The following UNC5D variants were observed in gnomAD, a reference collection of about 807,000 sequenced individuals.
UNC5D encodes netrin receptor UNC5D.
Under a neutral mutation model 105.4 loss-of-function variants are expected in UNC5D, and 39 were observed. The ratio of observed to expected loss-of-function variants is 0.37; its 90% CI spans 0.29 to 0.48. The LOEUF is 0.48. Ranked by LOEUF, UNC5D falls within the 20% of genes least tolerant of loss-of-function variation. The pLI, the probability that UNC5D is intolerant of heterozygous loss-of-function variation, is 0.98. For synonymous variants in UNC5D, 452 were observed against 450.4 expected (o/e 1.00, Z -0.04); for missense variants, 991 against 1,202.4 (o/e 0.82, Z 2.60).
chr8:35,274,067 T>A (rs1167231469), intron 1 of UNC5D, among the ~76,000 whole-genome samples: 1 of 152,164 alleles, frequency 6.6e-6, no homozygotes. Context: ...AGCATAATTA[T>A]GGTCTGAATG....
At chr8:35,557,222 C>T (rs1477537847) in intron 2 of UNC5D, among the ~76,000 whole-genome samples, 1 of 152,144 alleles carries the variant, frequency 6.6e-6, no homozygotes, top group African/African-American at 2.4e-5. Flanking sequence ...TTACCAGACA[C>T]CTCTGAGCTG....
chr8:35,347,273 T>A (rs559369217), intron 1 of UNC5D, among the ~76,000 whole-genome samples: 1 of 152,084 alleles, frequency 6.6e-6, no homozygotes, highest in Non-Finnish European at 1.5e-5. Context: ...ACCCAAGTGG[T>A]CAGTGGGCTT....
intron 3 of UNC5D, among the ~76,000 whole-genome samples, chr8:35,569,886 CT>C (rs1401616721): frequency 6.6e-6 from 1 of 151,756 alleles, no homozygotes; most frequent in Non-Finnish European, 1.5e-5. Flanking sequence ...CTCACCCTCA[CT>C]TTTTCCTTTC....
At chr8:35,647,435 G>A (rs1208983728) in intron 4 of UNC5D, among the ~76,000 whole-genome samples, 1 of 151,768 alleles carries the variant, frequency 6.6e-6, no homozygotes, top group Non-Finnish European at 1.5e-5. Context: ...ATGTGGTTGT[G>A]TACAATTATA....
intron 1 of UNC5D, among the ~76,000 whole-genome samples, chr8:35,343,118 C>T (rs1295422820): frequency 6.6e-6 from 1 of 152,034 alleles, no homozygotes; most frequent in Non-Finnish European, 1.5e-5. Flanking sequence ...GATACTGACA[C>T]TGCTGGTCTG....
intron 1 of UNC5D, among the ~76,000 whole-genome samples, chr8:35,295,496 T>G (rs1410517407): frequency 6.6e-6 from 1 of 152,188 alleles, no homozygotes; most frequent in Non-Finnish European, 1.5e-5. Flanking sequence ...CCAACCATGT[T>G]TTATTTCATT....
At chr8:35,574,403 T>C (rs1817954805) in intron 3 of UNC5D, among the ~76,000 whole-genome samples, 1 of 152,186 alleles carries the variant, frequency 6.6e-6, no homozygotes, top group Admixed American at 6.5e-5. Context: ...ATGTGATACA[T>C]CCTGAATATA....
At chr8:35,782,596 T>C (rs1802553757) in intron 16 of UNC5D, among the ~76,000 whole-genome samples, 1 of 150,498 alleles carries the variant, frequency 6.6e-6, no homozygotes, top group South Asian at 2.1e-4. Flanking sequence ...CTCCACCTCC[T>C]GGGTTCAAGC....
At chr8:35,600,277 C>A (rs1357875670) in intron 4 of UNC5D, among the ~76,000 whole-genome samples, 1 of 152,148 alleles carries the variant, frequency 6.6e-6, no homozygotes, top group Non-Finnish European at 1.5e-5. Context: ...GCACATGTGT[C>A]TTTATAGCAG....
chr8:35,273,817 T>C (rs1035666988), intron 1 of UNC5D, among the ~76,000 whole-genome samples: 1 of 152,188 alleles, frequency 6.6e-6, no homozygotes, highest in African/African-American at 2.4e-5. Context: ...TCTTACTAAG[T>C]GTCCACAAAG....
At chr8:35,647,278 A>G (rs892000476) in intron 4 of UNC5D, among the ~76,000 whole-genome samples, 3 of 152,168 alleles carry the variant, frequency 2.0e-5, no homozygotes, top group African/African-American at 4.8e-5. Context: ...GTAATCAAGA[A>G]TAAGGACCAC....
chr8:35,525,401 G>T (rs907060788), intron 1 of UNC5D: 37 of 1,612,102 alleles, frequency 2.3e-5, no homozygotes, highest in Non-Finnish European at 3.1e-5. Context: ...TAATGGTCTT[G>T]TGAATGGTCT....
chr8:35,422,306 G>A (rs963234998), intron 1 of UNC5D, among the ~76,000 whole-genome samples: 2 of 152,214 alleles, frequency 1.3e-5, no homozygotes, highest in African/African-American at 2.4e-5. Context: ...AAAGAGGTTG[G>A]AGAAGACTGG....
intron 1 of UNC5D, among the ~76,000 whole-genome samples, chr8:35,316,357 G>A (rs1410359432): frequency 6.6e-6 from 1 of 152,138 alleles, no homozygotes; most frequent in Non-Finnish European, 1.5e-5. Context: ...AATGATTGGA[G>A]TTGACAATGG....
chr8:35,533,112 G>A (rs551226794), intron 1 of UNC5D, among the ~76,000 whole-genome samples: 130 of 151,818 alleles, frequency 8.6e-4, no homozygotes, highest in African/African-American at 2.9e-3. Flanking sequence ...CTTTGGAGGA[G>A]GAGAGGCGCT....
chr8:35,290,696 C>A (rs1463806127), intron 1 of UNC5D, among the ~76,000 whole-genome samples: 1 of 151,982 alleles, frequency 6.6e-6, no homozygotes, highest in Non-Finnish European at 1.5e-5. Flanking sequence ...TGCCTGTAAT[C>A]CCAGCATTTT....
intron 15 of UNC5D, among the ~76,000 whole-genome samples, chr8:35,769,482 A>G (rs752409866): frequency 6.6e-6 from 1 of 152,306 alleles, no homozygotes; most frequent in South Asian, 2.1e-4. Context: ...TCTTTCTTCA[A>G]AAGAACAAAG....
Position 35,652,943 on chromosome 8 carries a change from T to TTTG in UNC5D, c.571-30603_571-30602insTGT. On this transcript the variant is annotated intron_variant, in intron 4 of 16. Coordinates refer to ENST00000404895, the MANE Select transcript of UNC5D (RefSeq NM_080872.4). Reference sequence around the variant, plus strand: ...TTTTTTTTTTTTTTTTTTTTTTTTTTTGAGACAGAGTTTCACTCTCTTGCC... The same window carrying TTTG: ...TTTTTTTTTTTTTTTTTTTTTTTTTTTTGTGAGACAGAGTTTCACTCTCTTGCC... 2.0e-5 allele frequency among the ~76,000 whole-genome samples: 3 copies of TTTG among 147,662 alleles called. No homozygotes were observed. In the South Asian group the frequency reaches 6.6e-4, roughly 33 times the overall value.
Position 35,505,017 on chromosome 8 carries a change from A to C in UNC5D, c.104-44275A>C, listed in dbSNP as rs192839260. On this transcript the variant is annotated intron_variant, in intron 1 of 16. Transcript: ENST00000404895. ...ATGACTTGAGTCAAATTACTTGCAA[A>C]CACTAAAAGAGTATACTTGGATTGT... is the stretch of plus-strand genomic sequence containing the variant. Among the ~76,000 whole-genome samples the C allele has an allele frequency of 1.2e-4, 19 of 152,326 alleles. No individual in the cohort carries two copies. In the East Asian group the frequency reaches 3.7e-3, roughly 29 times the overall value.
Sources: allele counts gnomAD v4.1 joint callset (sites outside exome capture counted in the v4.1 genomes callset), GRCh38; gene constraint gnomAD v4.1.1; transcripts MANE v1.5; gene names NCBI Gene and HGNC (gene_info 2026-07-23, HGNC 2026-07-21).